The following LRBA variants were observed in gnomAD, a reference collection of about 807,000 sequenced individuals.
LRBA encodes the protein lipopolysaccharide-responsive and beige-like anchor protein.
Under a neutral mutation model 330.0 loss-of-function variants are expected in LRBA, and 176 were observed. That is an observed-to-expected ratio of 0.53 (90% CI 0.47 to 0.60). The LOEUF (loss-of-function observed/expected upper bound fraction) is 0.60. Among genes scored for constraint, LRBA ranks in the 20% least tolerant of loss-of-function variants. LRBA has a pLI of 0.00. For missense variants in LRBA, 3,259 were observed against 3,444.8 expected (o/e 0.95, Z 1.35); for synonymous variants, 1,230 against 1,193.0 (o/e 1.03, Z -0.64).
intron 40 of LRBA, among the ~76,000 whole-genome samples, chr4:150,524,628 G>A (rs1348887178): frequency 6.6e-6 from 1 of 151,994 alleles, no homozygotes; most frequent in Non-Finnish European, 1.5e-5. Flanking sequence ...ACAGTCTGTA[G>A]GCATATTTTT....
At chr4:150,585,409 C>T (rs1448986609) in intron 40 of LRBA, among the ~76,000 whole-genome samples, 1 of 152,088 alleles carries the variant, frequency 6.6e-6, no homozygotes, top group African/African-American at 2.4e-5. Context: ...ATTTTTATAA[C>T]CAAAGAAAAA....
chr4:150,708,026 T>C (rs1785803128), intron 36 of LRBA, among the ~76,000 whole-genome samples: 1 of 151,754 alleles, frequency 6.6e-6, no homozygotes, highest in South Asian at 2.1e-4. Context: ...CTCTTAACAA[T>C]AAGCAGCCTA....
rs946031479 is a variant in LRBA, at chr4:150,354,696, T to C, written c.7195-4537A>G. On this transcript the variant is annotated intron_variant, in intron 47 of 56. Coordinates refer to ENST00000651943, the MANE Select transcript of LRBA (RefSeq NM_001364905.1). ...CAATCCAGGGGGACTCATATTAGTG[T>C]TGACAAACTGTCTTGGCGCTGATAT... is the stretch of plus-strand genomic sequence containing the variant. Among the ~76,000 whole-genome samples the C allele has an allele frequency of 4.6e-5, 7 of 152,062 alleles. No homozygotes were observed. The East Asian group carries it at 1.2e-3, about 25-fold the overall frequency.
At chr4:150,492,210 G>C (rs528931374) in intron 40 of LRBA, among the ~76,000 whole-genome samples, 1 of 147,376 alleles carries the variant, frequency 6.8e-6, no homozygotes, top group Non-Finnish European at 1.5e-5. Flanking sequence ...CCTTATTTAA[G>C]TCAGTAAGTA....
intron 22 of LRBA, among the ~76,000 whole-genome samples, chr4:150,858,282 A>G (rs1751459883): frequency 6.6e-6 from 1 of 152,192 alleles, no homozygotes; most frequent in Non-Finnish European, 1.5e-5. Context: ...ACTTGAGCCA[A>G]GGAGTATGAA....
At chr4:150,326,723 T>A (rs893654646) in intron 48 of LRBA, among the ~76,000 whole-genome samples, 1 of 152,216 alleles carries the variant, frequency 6.6e-6, no homozygotes. Flanking sequence ...ACCTTATGTA[T>A]CTTCTTCACT....
chr4:150,901,068 C>T lies in LRBA; in HGVS notation c.1756-851G>A, dbSNP rs186671100. Among the ~76,000 whole-genome samples, 136 of 152,204 alleles carry T rather than the reference C, an allele frequency of 8.9e-4. 1 individual carries two copies. Among genetic ancestry groups the T allele is most frequent in the Admixed American group, 8.6e-3 (131 of 15,274 alleles). ...ATTTCAGCATGTTAGGAGGCTGAGGCGGGCAGATCACTTGAGGTCAGGAGT... is the reference window on the plus strand; with the variant it reads ...ATTTCAGCATGTTAGGAGGCTGAGGTGGGCAGATCACTTGAGGTCAGGAGT... On this transcript the variant is annotated intron_variant, in intron 13 of 56. Transcript: ENST00000651943.
chr4:150,488,442 T>C (rs145438749), intron 41 of LRBA, among the ~76,000 whole-genome samples: 15 of 151,738 alleles, frequency 9.9e-5, no homozygotes, highest in African/African-American at 2.6e-4. Context: ...ACATTTTTCC[T>C]CTGCAGTTAA....
In LRBA at chr4:150,838,645, G is replaced by A. The variant is rs774741334; in HGVS notation, c.4569+5455C>T. ...GTGCCATGGTTTTCAGCTCCATCAG[G>A]TCCTTTAAGGACTTCTCTACACTGG... is the stretch of plus-strand genomic sequence containing the variant. On this transcript the variant is annotated intron_variant, in intron 28 of 56. Coordinates refer to ENST00000651943, the MANE Select transcript of LRBA (RefSeq NM_001364905.1). Among the ~76,000 whole-genome samples the A allele has an allele frequency of 2.8e-4, 43 of 152,200 alleles. 1 individual carries two copies. The highest frequency in any genetic ancestry group is 3.4e-3 in the Middle Eastern group (1 of 294).
At position 150,616,652 on chromosome 4, in the gene LRBA, G is replaced by A. The variant is rs1029009337; in HGVS notation, c.5922-17521C>T. On this transcript the variant is annotated intron_variant, in intron 37 of 56. Transcript: ENST00000651943. Reference sequence around the variant, plus strand: ...TTGAAAAGAACAGCTTCAGTATATGGTGGGAAAAGAGCTTGAGTGAAGCAA... The same window carrying A: ...TTGAAAAGAACAGCTTCAGTATATGATGGGAAAAGAGCTTGAGTGAAGCAA... 2.6e-5 allele frequency among the ~76,000 whole-genome samples: 4 copies of A among 152,252 alleles called. No individual in the cohort carries two copies. The South Asian group carries it at 8.3e-4, about 32-fold the overall frequency.
At chr4:150,551,967 G>A (rs542484051) in intron 40 of LRBA, among the ~76,000 whole-genome samples, 59 of 152,232 alleles carry the variant, frequency 3.9e-4, no homozygotes, top group African/African-American at 1.4e-3. Flanking sequence ...TGGGGGGTAG[G>A]AGGTATGATT....
At chr4:150,774,311 A>C (rs1736976186) in intron 34 of LRBA, among the ~76,000 whole-genome samples, 1 of 152,112 alleles carries the variant, frequency 6.6e-6, no homozygotes, top group Non-Finnish European at 1.5e-5. Flanking sequence ...CTGCTGACAA[A>C]GGATCTACCA....
intron 30 of LRBA, among the ~76,000 whole-genome samples, chr4:150,822,648 G>A (rs1745618693): frequency 6.6e-6 from 1 of 152,002 alleles, no homozygotes; most frequent in Admixed American, 6.6e-5. Context: ...CAGCTACTCA[G>A]GGGACTGAGG....
At chr4:150,837,331 T>C (rs1305128561) in intron 28 of LRBA, among the ~76,000 whole-genome samples, 1 of 152,158 alleles carries the variant, frequency 6.6e-6, no homozygotes, top group African/African-American at 2.4e-5. Context: ...CAGAGCTGAG[T>C]TCAATTCCTG....
At chr4:150,438,126 G>A (rs1003407546) in intron 44 of LRBA, among the ~76,000 whole-genome samples, 6 of 152,106 alleles carry the variant, frequency 3.9e-5, no homozygotes, top group East Asian at 1.9e-4. Context: ...TCTCTATTCC[G>A]TATTCAAAAT....
At chr4:150,911,674 T>C (rs1732004781) in intron 9 of LRBA, among the ~76,000 whole-genome samples, 1 of 152,208 alleles carries the variant, frequency 6.6e-6, no homozygotes, top group South Asian at 2.1e-4. Context: ...ACTATCTTGA[T>C]CTGGCTTTGG....
chr4:150,515,633 T>C (rs2152144825), intron 40 of LRBA, among the ~76,000 whole-genome samples: 1 of 152,134 alleles, frequency 6.6e-6, no homozygotes, highest in South Asian at 2.1e-4. Flanking sequence ...AATGAAATAA[T>C]AAAATGTAAA....
At chr4:150,666,027 A>C (rs957251186) in intron 37 of LRBA, among the ~76,000 whole-genome samples, 1 of 152,120 alleles carries the variant, frequency 6.6e-6, no homozygotes, top group African/African-American at 2.4e-5. Flanking sequence ...AAGCTTATCT[A>C]GAGTGACAGA....
At chr4:150,942,774 A>C (rs1383486865) in intron 2 of LRBA, among the ~76,000 whole-genome samples, 1 of 152,168 alleles carries the variant, frequency 6.6e-6, no homozygotes. Flanking sequence ...ACAAAAAAAA[A>C]ATGTGTCCAT....
Sources: allele counts gnomAD v4.1 joint callset (sites outside exome capture counted in the v4.1 genomes callset), GRCh38; gene constraint gnomAD v4.1.1; transcripts MANE v1.5; gene names NCBI Gene and HGNC (gene_info 2026-07-23, HGNC 2026-07-21).